Variants in ITSN1 observed in about 807,000 individuals in gnomAD.
ITSN1 encodes intersectin 1.
In ITSN1, 58 loss-of-function variants were observed where a neutral mutation model predicts 239.8. That is an observed-to-expected ratio of 0.24 (90% CI 0.20 to 0.30). The LOEUF is 0.30. Among genes scored for constraint, ITSN1 ranks in the 10% least tolerant of loss-of-function variants. The pLI is 1.00. For missense variants in ITSN1, 1,558 were observed against 2,103.3 expected (o/e 0.74, Z 5.07); for synonymous variants, 780 against 770.8 (o/e 1.01, Z -0.20).
chr21:33,762,068 C>A, intron 9 of ITSN1, 82 bp downstream of exon 9: 1 of 982,602 alleles, frequency 1.0e-6, no homozygotes, highest in Non-Finnish European at 1.6e-6. Context: ...TAGATTAATA[C>A]CGTTTTTTAT....
chr21:33,766,049 G>T (rs1372821007), intron 10 of ITSN1, 37 bp downstream of exon 10: 3 of 1,609,412 alleles, frequency 1.9e-6, no homozygotes, highest in Non-Finnish European at 2.6e-6. Context: ...ATTGTATGCG[G>T]AGTATATGAA....
At position 33,855,288 on chromosome 21, in the gene ITSN1, C is replaced by T. The variant is rs76984843; in HGVS notation, c.3662-1448C>T. ...CCCCCAACTCCAGAGTCACTTCAGC[C>T]GGGGCATCTCTAGCAAGCTCCTAGG... is the stretch of plus-strand genomic sequence containing the variant. On this transcript the variant is annotated intron_variant, in intron 29 of 39. Coordinates refer to ENST00000381318, the MANE Select transcript of ITSN1 (RefSeq NM_003024.3). Among the ~76,000 whole-genome samples the T allele has an allele frequency of 2.9e-3, 438 of 152,294 alleles. 2 individuals carry two copies. The highest frequency in any genetic ancestry group is 0.01 in the African/African-American group (421 of 41,558).
At chr21:33,661,653 C>T (rs1420822046) in intron 1 of ITSN1, among the ~76,000 whole-genome samples, 1 of 152,106 alleles carries the variant, frequency 6.6e-6, no homozygotes, top group Non-Finnish European at 1.5e-5. Context: ...AAATGTAGCT[C>T]CCATAATTCC....
chr21:33,642,874 C>T (rs2087525956), intron 1 of ITSN1, among the ~76,000 whole-genome samples, 161 bp downstream of exon 1: 1 of 151,516 alleles, frequency 6.6e-6, no homozygotes, highest in Non-Finnish European at 1.5e-5. Flanking sequence ...GCCCGAGAGA[C>T]GGCAGCGGCT....
At chr21:33,725,440 AT>A (rs2065772510) in intron 4 of ITSN1, among the ~76,000 whole-genome samples, 1 of 151,728 alleles carries the variant, frequency 6.6e-6, no homozygotes, top group South Asian at 2.1e-4. Flanking sequence ...GGCCAAAAAA[AT>A]TTTTTTTAAT....
At chr21:33,773,742 C>T (rs571698073) in intron 12 of ITSN1, among the ~76,000 whole-genome samples, 25 of 151,740 alleles carry the variant, frequency 1.6e-4, no homozygotes, top group African/African-American at 5.1e-4. Context: ...TGCAGTGGCA[C>T]GATCTCAGTT....
intron 5 of ITSN1, among the ~76,000 whole-genome samples, chr21:33,744,498 A>T (rs2067063964): frequency 6.6e-6 from 1 of 152,192 alleles, no homozygotes; most frequent in Non-Finnish European, 1.5e-5. Flanking sequence ...CACTGAAAAG[A>T]CTAGATACAA....
At chr21:33,805,577 AC>A (rs2072350922) in intron 20 of ITSN1, among the ~76,000 whole-genome samples, 1 of 152,146 alleles carries the variant, frequency 6.6e-6, no homozygotes, top group African/African-American at 2.4e-5. Context: ...TCCTTCATTC[AC>A]ATATTGTGTG....
chr21:33,678,221 C>T (rs1186016035), intron 1 of ITSN1, among the ~76,000 whole-genome samples: 1 of 152,160 alleles, frequency 6.6e-6, no homozygotes, highest in Non-Finnish European at 1.5e-5. Context: ...CTAGAACTAA[C>T]TAGAAGCTAC....
At chr21:33,734,376 T>C (rs1369881712) in intron 4 of ITSN1, among the ~76,000 whole-genome samples, 1 of 152,214 alleles carries the variant, frequency 6.6e-6, no homozygotes, top group Non-Finnish European at 1.5e-5. Flanking sequence ...TTGAGTACCA[T>C]TTTCAAATAG....
chr21:33,881,945 C>CAAAAA (rs370697945), intron 34 of ITSN1, among the ~76,000 whole-genome samples: 10 of 88,310 alleles, frequency 1.1e-4, no homozygotes, highest in Admixed American at 3.7e-4. Context: ...GACCCTGTCT[C>CAAAAA]AAAAAAAAAA....
intron 25 of ITSN1, among the ~76,000 whole-genome samples, chr21:33,824,489 C>A (rs1446621632): frequency 6.6e-6 from 1 of 151,756 alleles, no homozygotes; most frequent in Non-Finnish European, 1.5e-5. Flanking sequence ...TTTTCTTTTT[C>A]TCCTCATACC....
intron 29 of ITSN1, among the ~76,000 whole-genome samples, chr21:33,842,798 G>A (rs754655426): frequency 1.3e-5 from 2 of 152,108 alleles, no homozygotes; most frequent in African/African-American, 4.8e-5. Context: ...TCTTGATGCC[G>A]TTTCTCTGAA....
At chr21:33,805,332 C>CTTTT in intron 20 of ITSN1, among the ~76,000 whole-genome samples, 1 of 152,292 alleles carries the variant, frequency 6.6e-6, no homozygotes, top group African/African-American at 2.4e-5. Flanking sequence ...TTAACTCATT[C>CTTTT]TTTTCCTTTT....
At chr21:33,789,758 A>G (rs2147972222) in intron 16 of ITSN1, among the ~76,000 whole-genome samples, 1 of 152,316 alleles carries the variant, frequency 6.6e-6, no homozygotes, top group Middle Eastern at 3.4e-3. Flanking sequence ...TTATTAAATC[A>G]AGTGATTCTG....
At chr21:33,726,438 A>G (rs2065837216) in intron 4 of ITSN1, among the ~76,000 whole-genome samples, 1 of 151,908 alleles carries the variant, frequency 6.6e-6, no homozygotes. Flanking sequence ...AGACGGAAGA[A>G]TGGGTTTGAC....
At chr21:33,762,538 T>TA (rs2068418176) in intron 9 of ITSN1, among the ~76,000 whole-genome samples, 1 of 152,184 alleles carries the variant, frequency 6.6e-6, no homozygotes. Context: ...GTGCTGGAAT[T>TA]ACAGGCGTGA....
intron 27 of ITSN1, among the ~76,000 whole-genome samples, chr21:33,830,458 A>C (rs1164412683): frequency 6.6e-6 from 1 of 152,162 alleles, no homozygotes; most frequent in Non-Finnish European, 1.5e-5. Flanking sequence ...CAAGACCTGA[A>C]TGAGGTGATC....
chr21:33,730,652 G>A (rs1361679994), intron 4 of ITSN1, among the ~76,000 whole-genome samples: 3 of 150,252 alleles, frequency 2.0e-5, no homozygotes, highest in African/African-American at 4.9e-5. Flanking sequence ...CACCCTTCTC[G>A]GCCTCCCAAA....
Sources: allele counts gnomAD v4.1 joint callset (sites outside exome capture counted in the v4.1 genomes callset), GRCh38; gene constraint gnomAD v4.1.1; transcripts MANE v1.5; gene names NCBI Gene and HGNC (gene_info 2026-07-23, HGNC 2026-07-21).